BRINP3: variants seen among roughly 807,000 people sequenced by gnomAD.
The protein encoded by BRINP3 is BMP/retinoic acid-inducible neural-specific protein 3.
In BRINP3, 19 loss-of-function variants were observed where a neutral mutation model predicts 71.0. That is an observed-to-expected ratio of 0.27 (90% CI 0.19 to 0.39). BRINP3 has a LOEUF of 0.39. BRINP3 is among the 10% of genes least tolerant of loss of function. BRINP3 has a pLI of 1.00. For missense variants in BRINP3, 959 were observed against 940.8 expected (o/e 1.02, Z -0.25); for synonymous variants, 380 against 337.7 (o/e 1.13, Z -1.37).
intron 6 of BRINP3, among the ~76,000 whole-genome samples, chr1:190,184,139 T>C (rs1375105195): frequency 6.6e-6 from 1 of 152,200 alleles, no homozygotes; most frequent in Non-Finnish European, 1.5e-5. Context: ...CCTATAGTCC[T>C]TCTCCAGAAT....
intron 2 of BRINP3, among the ~76,000 whole-genome samples, chr1:190,431,653 T>G (rs1674107731): frequency 6.6e-6 from 1 of 152,066 alleles, no homozygotes; most frequent in African/African-American, 2.4e-5. Context: ...CTGGCCTTCT[T>G]TATTTTAAAA....
At chr1:190,450,654 G>C (rs1675545624) in intron 2 of BRINP3, among the ~76,000 whole-genome samples, 1 of 151,952 alleles carries the variant, frequency 6.6e-6, no homozygotes, top group East Asian at 1.9e-4. Flanking sequence ...GTACTTAAAT[G>C]GATTCTTATG....
chr1:190,355,975 C>T (rs1244381218), intron 2 of BRINP3, among the ~76,000 whole-genome samples: 1 of 151,846 alleles, frequency 6.6e-6, no homozygotes, highest in South Asian at 2.1e-4. Context: ...TATGCATATG[C>T]CTATGTCCCA....
intron 4 of BRINP3, among the ~76,000 whole-genome samples, chr1:190,247,426 G>T (rs2102797921): frequency 6.6e-6 from 1 of 152,042 alleles, no homozygotes; most frequent in South Asian, 2.1e-4. Context: ...TATCAGAAAT[G>T]GTGCATTTTG....
At chr1:190,234,273 G>A in intron 5 of BRINP3, 99 bp downstream of exon 5, 1 of 674,994 alleles carries the variant, frequency 1.5e-6, no homozygotes, top group South Asian at 3.0e-5. Flanking sequence ...TTAATAGCCT[G>A]TATGTATATG....
At chr1:190,293,840 C>T (rs1002653726) in intron 2 of BRINP3, among the ~76,000 whole-genome samples, 6 of 152,200 alleles carry the variant, frequency 3.9e-5, no homozygotes, top group African/African-American at 1.4e-4. Flanking sequence ...ATAGCTACTC[C>T]TGCTCTTTTT....
At chr1:190,263,518 A>G (rs1329312568) in intron 4 of BRINP3, among the ~76,000 whole-genome samples, 2 of 151,974 alleles carry the variant, frequency 1.3e-5, no homozygotes, top group African/African-American at 4.8e-5. Flanking sequence ...GAACAAAAAG[A>G]TATACTTGGA....
At chr1:190,272,608 G>C (rs1662205095) in intron 3 of BRINP3, among the ~76,000 whole-genome samples, 1 of 151,272 alleles carries the variant, frequency 6.6e-6, no homozygotes, top group African/African-American at 2.4e-5. Context: ...TCATAAGCTA[G>C]GATTTCATAG....
intron 5 of BRINP3, among the ~76,000 whole-genome samples, chr1:190,232,767 T>C (rs534743494): frequency 6.6e-6 from 1 of 152,230 alleles, no homozygotes; most frequent in African/African-American, 2.4e-5. Context: ...ATCTTGTTAG[T>C]AAATAATTTT....
chr1:190,360,208 T>C (rs1669047680), intron 2 of BRINP3, among the ~76,000 whole-genome samples: 1 of 152,192 alleles, frequency 6.6e-6, no homozygotes, highest in African/African-American at 2.4e-5. Context: ...TAAAGTGTTG[T>C]CCTTCAAAGG....
chr1:190,324,658 C>T (rs1265632847), intron 2 of BRINP3, among the ~76,000 whole-genome samples: 1 of 151,646 alleles, frequency 6.6e-6, no homozygotes, highest in Non-Finnish European at 1.5e-5. Context: ...ATGATTACTG[C>T]TACTAAGAAT....
intron 1 of BRINP3, among the ~76,000 whole-genome samples, chr1:190,473,923 T>C (rs910013307): frequency 2.0e-5 from 3 of 152,000 alleles, no homozygotes; most frequent in South Asian, 2.1e-4. Flanking sequence ...TATTTTTTCT[T>C]AAGGTGGAGA....
At chr1:190,468,303 T>C (rs955091001) in intron 1 of BRINP3, among the ~76,000 whole-genome samples, 1 of 151,254 alleles carries the variant, frequency 6.6e-6, no homozygotes, top group African/African-American at 2.4e-5. Flanking sequence ...CAAACACTTA[T>C]TATTGGAGCT....
intron 2 of BRINP3, among the ~76,000 whole-genome samples, chr1:190,419,980 G>T (rs1156753246): frequency 6.6e-6 from 1 of 151,916 alleles, no homozygotes; most frequent in Admixed American, 6.6e-5. Context: ...GGTATAATAT[G>T]TTTGCAAGCA....
At chr1:190,254,261 A>ATT (rs1660434075) in intron 4 of BRINP3, among the ~76,000 whole-genome samples, 1 of 148,952 alleles carries the variant, frequency 6.7e-6, no homozygotes, top group African/African-American at 2.5e-5. Context: ...CTCTCTTTTA[A>ATT]TTCCATATGA....
chr1:190,172,884 C>T (rs1652145347), intron 6 of BRINP3, among the ~76,000 whole-genome samples: 1 of 152,098 alleles, frequency 6.6e-6, no homozygotes, highest in African/African-American at 2.4e-5. Flanking sequence ...TTCCAAATAC[C>T]TCCCCAAGGT....
At chr1:190,249,521 C>A (rs1659923594) in intron 4 of BRINP3, among the ~76,000 whole-genome samples, 1 of 151,664 alleles carries the variant, frequency 6.6e-6, no homozygotes, top group African/African-American at 2.4e-5. Context: ...CAACTGATTT[C>A]TGTTATAAGC....
intron 2 of BRINP3, among the ~76,000 whole-genome samples, chr1:190,445,956 A>G (rs565073466): frequency 1.6e-4 from 24 of 152,176 alleles, no homozygotes; most frequent in Non-Finnish European, 2.6e-4. Flanking sequence ...TATAATAGTA[A>G]CAAACATGAA....
At chr1:190,302,150 A>G (rs1050288930) in intron 2 of BRINP3, among the ~76,000 whole-genome samples, 2 of 150,784 alleles carry the variant, frequency 1.3e-5, no homozygotes, top group Non-Finnish European at 3.0e-5. Flanking sequence ...AAAGCAAATG[A>G]CACATTATTA....
Sources: allele counts gnomAD v4.1 joint callset (sites outside exome capture counted in the v4.1 genomes callset), GRCh38; gene constraint gnomAD v4.1.1; transcripts MANE v1.5; gene names NCBI Gene and HGNC (gene_info 2026-07-23, HGNC 2026-07-21).